The following NRK variants were observed in gnomAD, a reference collection of about 807,000 sequenced individuals.
NRK encodes the protein nik-related protein kinase.
NRK carries 67 observed loss-of-function variants against 125.2 expected under a neutral mutation model. The ratio of observed to expected loss-of-function variants is 0.54; its 90% CI spans 0.44 to 0.66. The LOEUF is 0.66. NRK is among the 30% of genes least tolerant of loss of function. NRK has a pLI of 0.00. For synonymous variants in NRK, 458 were observed against 429.0 expected (o/e 1.07, Z -0.84); for missense variants, 1,224 against 1,192.9 (o/e 1.03, Z -0.38).
In NRK at chrX:105,955,559, C is replaced by T. The variant is rs1454553069; in HGVS notation, c.4708C>T (p.Leu1570Phe). The change falls in exon 29 of 29, where the codon CTT becomes TTT. Residue 1570 changes from leucine to phenylalanine, a missense_variant. By Grantham distance (22) the Leu-to-Phe change is conservative (BLOSUM62 0). Transcript: ENST00000243300. ...CCACAGCCGGGTTTACTTCATGACA[C>T]TTGGAAAACTTGAAGAGCTCCAAAG... The part of the protein sequence containing the change: ...NHHSRVYFMT[L>F]GKLEELQSNY... 3 of 1,185,968 alleles carry T rather than the reference C, an allele frequency of 2.5e-6. No individual in the cohort carries two copies. The highest frequency in any genetic ancestry group is 3.4e-6 in the Non-Finnish European group (3 of 877,238).
intron 16 of NRK, among the ~76,000 whole-genome samples, chrX:105,921,252 A>G (rs1242761465): frequency 1.9e-5 from 2 of 102,784 alleles, no homozygotes; most frequent in African/African-American, 7.1e-5. Context: ...AACACCGCAT[A>G]TTCTCACTCA....
At chrX:105,890,092 G>C (rs1259417819) in intron 5 of NRK, among the ~76,000 whole-genome samples, 2 of 111,459 alleles carry the variant, frequency 1.8e-5, no homozygotes, top group African/African-American at 6.5e-5. Flanking sequence ...TTGCTACTTA[G>C]AGATTTCTTC....
At chrX:105,924,180 A>G (rs1366275823) in intron 18 of NRK, among the ~76,000 whole-genome samples, 2 of 109,847 alleles carry the variant, frequency 1.8e-5, no homozygotes, top group Non-Finnish European at 3.8e-5. Context: ...TGTATTGCTG[A>G]ACTTCCTTGG....
chrX:105,932,783 AT>A (rs1287651768), intron 19 of NRK, among the ~76,000 whole-genome samples: 13 of 111,320 alleles, frequency 1.2e-4, no homozygotes, highest in Non-Finnish European at 1.7e-4. Context: ...TGCTTGGTAA[AT>A]TAGTAATCCT....
intron 21 of NRK, 90 bp from the exon 22 acceptor site, chrX:105,937,349 G>T: frequency 2.3e-6 from 1 of 430,598 alleles, no homozygotes; most frequent in South Asian, 5.1e-5. Flanking sequence ...TCTTTACATA[G>T]ATCAGCATAC....
chrX:105,859,866 CTT>C (rs2039579450), intron 2 of NRK, among the ~76,000 whole-genome samples: 1 of 111,528 alleles, frequency 9.0e-6, no homozygotes, highest in South Asian at 3.8e-4. Flanking sequence ...GTTGGGGTCT[CTT>C]GCCATACAGA....
intron 15 of NRK, among the ~76,000 whole-genome samples, chrX:105,916,273 T>C (rs1290990850): frequency 9.0e-6 from 1 of 111,185 alleles, no homozygotes; most frequent in African/African-American, 3.3e-5. Flanking sequence ...ATATCATATA[T>C]AATATTGATA....
At chrX:105,894,486 C>A (rs1322862114) in intron 6 of NRK, among the ~76,000 whole-genome samples, 2 of 111,589 alleles carry the variant, frequency 1.8e-5, no homozygotes, top group Non-Finnish European at 3.8e-5. Flanking sequence ...TAGGGTCATC[C>A]AAGAAGGATA....
intron 2 of NRK, among the ~76,000 whole-genome samples, chrX:105,861,124 C>A (rs2039597188): frequency 8.9e-6 from 1 of 111,771 alleles, no homozygotes; most frequent in Admixed American, 9.5e-5. Flanking sequence ...TTTCTCCCCA[C>A]CTGCACCAAA....
chrX:105,871,875 A>G (rs1352232746), intron 2 of NRK, among the ~76,000 whole-genome samples: 1 of 111,853 alleles, frequency 8.9e-6, no homozygotes, highest in Admixed American at 9.5e-5. Context: ...TATAAAGTCT[A>G]GTAATAATCT....
At chrX:105,823,255 A>G (rs1203013692) in intron 1 of NRK, among the ~76,000 whole-genome samples, 2 of 112,242 alleles carry the variant, frequency 1.8e-5, no homozygotes, top group Non-Finnish European at 3.8e-5. Context: ...ACAGAGGTCA[A>G]AAAGTGCAAC....
At chrX:105,880,107 G>T in intron 2 of NRK, 92 bp from the exon 3 acceptor site, 4 of 347,315 alleles carry the variant, frequency 1.2e-5, no homozygotes, top group South Asian at 7.6e-5. Flanking sequence ...CAATGTATTC[G>T]ACACTAATTT....
intron 2 of NRK, among the ~76,000 whole-genome samples, chrX:105,852,263 A>T: frequency 9.0e-6 from 1 of 111,188 alleles, no homozygotes; most frequent in Non-Finnish European, 1.9e-5. Context: ...TGAAGGGAGG[A>T]TTGAGGGGAT....
chrX:105,931,295 A>G (rs2040591851), intron 19 of NRK, among the ~76,000 whole-genome samples: 1 of 112,056 alleles, frequency 8.9e-6, no homozygotes, highest in Non-Finnish European at 1.9e-5. Context: ...TGGCCCCCAG[A>G]ACATAGTGTA....
intron 26 of NRK, among the ~76,000 whole-genome samples, chrX:105,948,256 GAGATGAGTTCTTA>G (rs1230772025): frequency 9.0e-6 from 1 of 111,399 alleles, no homozygotes; most frequent in Non-Finnish European, 1.9e-5. Context: ...TTGTTAGTTA[GAGATGAGTTCTTA>G]AAAATCACTT....
intron 19 of NRK, among the ~76,000 whole-genome samples, chrX:105,926,344 C>T (rs937124831): frequency 3.6e-5 from 4 of 111,631 alleles, no homozygotes; most frequent in African/African-American, 1.3e-4. Flanking sequence ...CATATGTATA[C>T]ATGTTGGATT....
intron 10 of NRK, 130 bp downstream of exon 10, chrX:105,905,473 C>T: frequency 2.0e-6 from 1 of 512,765 alleles, no homozygotes; most frequent in Admixed American, 2.9e-5. Context: ...AGTCTAATAT[C>T]TTAACTGGGA....
chrX:105,876,588 A>G (rs2039818576), intron 2 of NRK, among the ~76,000 whole-genome samples: 1 of 111,719 alleles, frequency 9.0e-6, no homozygotes, highest in South Asian at 3.7e-4. Flanking sequence ...ATATTCACTG[A>G]GGTTAAAGGC....
rs773262656 is a variant in NRK at position 105,939,879 on chromosome X, A to G, written c.3805A>G (p.Lys1269Glu). Residue 1269 changes from lysine to glutamate, a missense_variant, in exon 23 of 29, where the codon AAG becomes GAG. Lys to Glu is a moderately conservative substitution (Grantham distance 56, BLOSUM62 1). Transcript: ENST00000243300. ...TATATTTTCTTATCTATCAGGTCAT[A>G]AGAACAGACTTCGGGTGTATCATCT... is the stretch of plus-strand genomic sequence containing the variant. ...LNLLITISGH[K>E]NRLRVYHLTW... is the part of the protein sequence containing the mutation. 2 of 1,160,905 alleles carry G rather than the reference A, an allele frequency of 1.7e-6. No homozygotes were observed. The highest frequency in any genetic ancestry group is 2.3e-6 in the Non-Finnish European group (2 of 854,096).
Sources: gnomAD v4.1 joint callset for allele counts (sites outside exome capture counted in the v4.1 genomes callset) on GRCh38, gnomAD v4.1.1 for gene constraint, MANE v1.5 for transcripts, NCBI Gene and HGNC (gene_info 2026-07-23, HGNC 2026-07-21) for gene names.